Variants in CLIC4 observed in about 807,000 individuals in gnomAD.
CLIC4 encodes the protein chloride intracellular channel protein 4.
In CLIC4, 13 loss-of-function variants were observed where a neutral mutation model predicts 24.6. The observed-to-expected ratio is 0.53, with a 90% CI of 0.34 to 0.84. The LOEUF is 0.84. Ranked by LOEUF, CLIC4 falls within the 40% of genes least tolerant of loss-of-function variation. CLIC4 has a pLI of 0.01. For missense variants in CLIC4, 227 were observed against 301.7 expected, an observed-to-expected ratio of 0.75 and a Z score of 1.83; for synonymous variants, 104 against 111.3, an observed-to-expected ratio of 0.93 and a Z score of 0.41.
intron 2 of CLIC4, among the ~76,000 whole-genome samples, chr1:24,804,539 ATGTGGGTGGGTGGGGGGATG>A (rs1639526538): frequency 8.0e-5 from 1 of 12,522 alleles, no homozygotes; most frequent in African/African-American, 3.8e-4. Context: ...GGATGTGTGT[ATGTGGGTGGGTGGGGGGATG>A]TGTGTACGTG....
chr1:24,813,456 TCA>T (rs1639637418), intron 2 of CLIC4, among the ~76,000 whole-genome samples: 2 of 152,286 alleles, frequency 1.3e-5, no homozygotes, highest in African/African-American at 2.4e-5. Flanking sequence ...TTTTACTCTG[TCA>T]CCTAGGCTGG....
At chr1:24,746,594 A>T (rs1638701123) in intron 1 of CLIC4, among the ~76,000 whole-genome samples, 1 of 152,232 alleles carries the variant, frequency 6.6e-6, no homozygotes, top group Non-Finnish European at 1.5e-5. Flanking sequence ...GCCACTTAAA[A>T]AGCCAGGCTC....
intron 1 of CLIC4, among the ~76,000 whole-genome samples, chr1:24,792,059 A>G (rs1338417826): frequency 6.6e-6 from 1 of 151,282 alleles, no homozygotes; most frequent in African/African-American, 2.4e-5. Flanking sequence ...ATTAAAAAAA[A>G]AAAAAAAAAA....
chr1:24,840,115 C>A, intron 5 of CLIC4, 74 bp downstream of exon 5: 1 of 1,380,218 alleles, frequency 7.2e-7, no homozygotes, highest in Non-Finnish European at 1.0e-6. Context: ...TTCCTTTGTG[C>A]TCAAAACATT....
intron 4 of CLIC4, among the ~76,000 whole-genome samples, chr1:24,827,810 G>A (rs548540581): frequency 6.6e-6 from 1 of 151,196 alleles, no homozygotes; most frequent in South Asian, 2.1e-4. Flanking sequence ...GTGTAGGGAG[G>A]TCTCTTTGGA....
intron 1 of CLIC4, among the ~76,000 whole-genome samples, chr1:24,793,883 T>G (rs1473056254): frequency 6.6e-6 from 1 of 152,208 alleles, no homozygotes; most frequent in African/African-American, 2.4e-5. Context: ...ACTGAAATGC[T>G]TCTGAATTTT....
At chr1:24,766,021 T>C (rs1330714142) in intron 1 of CLIC4, among the ~76,000 whole-genome samples, 1 of 152,072 alleles carries the variant, frequency 6.6e-6, no homozygotes, top group Non-Finnish European at 1.5e-5. Context: ...TTTTTTTCTT[T>C]TGAGATGGAG....
intron 1 of CLIC4, among the ~76,000 whole-genome samples, chr1:24,775,877 T>C (rs1019017418): frequency 1.3e-5 from 2 of 151,796 alleles, no homozygotes; most frequent in South Asian, 2.1e-4. Context: ...TTTCTTCTTA[T>C]AGGGAGTAAT....
intron 4 of CLIC4, among the ~76,000 whole-genome samples, chr1:24,837,285 G>GA (rs1438109150): frequency 1.3e-5 from 2 of 152,124 alleles, no homozygotes; most frequent in Non-Finnish European, 2.9e-5. Context: ...AGGATATTAT[G>GA]AAAAAATTTA....
intron 1 of CLIC4, among the ~76,000 whole-genome samples, chr1:24,785,082 CTTTTT>C (rs71577732): frequency 7.3e-6 from 1 of 137,506 alleles, no homozygotes; most frequent in African/African-American, 2.7e-5. Flanking sequence ...TTATGTAGAC[CTTTTT>C]TTTTTTTTTT....
intron 3 of CLIC4, among the ~76,000 whole-genome samples, chr1:24,823,524 C>T (rs1210965037): frequency 6.6e-6 from 1 of 152,116 alleles, no homozygotes; most frequent in Non-Finnish European, 1.5e-5. Context: ...CCTGTAATCC[C>T]AGCACTTTGG....
chr1:24,823,243 G>A (rs969707813), intron 3 of CLIC4, among the ~76,000 whole-genome samples: 2 of 152,170 alleles, frequency 1.3e-5, no homozygotes, highest in Non-Finnish European at 2.9e-5. Flanking sequence ...ACTGGTATGT[G>A]TGGCTATAGG....
chr1:24,809,981 G>T (rs961739316), intron 2 of CLIC4, among the ~76,000 whole-genome samples: 1 of 152,208 alleles, frequency 6.6e-6, no homozygotes, highest in Non-Finnish European at 1.5e-5. Context: ...CATAAGAATA[G>T]AATAAACTTC....
At chr1:24,747,808 G>A (rs1638721325) in intron 1 of CLIC4, among the ~76,000 whole-genome samples, 1 of 151,988 alleles carries the variant, frequency 6.6e-6, no homozygotes, top group Admixed American at 6.6e-5. Flanking sequence ...GCCGAGATGG[G>A]GAGATCACTT....
At chr1:24,824,240 T>G (rs1332706430) in intron 3 of CLIC4, among the ~76,000 whole-genome samples, 2 of 152,146 alleles carry the variant, frequency 1.3e-5, no homozygotes, top group Non-Finnish European at 2.9e-5. Context: ...ACACTAGACC[T>G]GGGGACAGGA....
At chr1:24,769,029 C>T (rs1248299675) in intron 1 of CLIC4, among the ~76,000 whole-genome samples, 1 of 151,838 alleles carries the variant, frequency 6.6e-6, no homozygotes, top group Non-Finnish European at 1.5e-5. Context: ...CCTGTGGTCT[C>T]AGCTACTAGT....
intron 1 of CLIC4, among the ~76,000 whole-genome samples, chr1:24,753,884 G>A (rs534869139): frequency 9.9e-5 from 15 of 152,050 alleles, no homozygotes; most frequent in African/African-American, 3.4e-4. Flanking sequence ...ACTTCCCCCC[G>A]TCTTTGTTTT....
chr1:24,810,547 A>G (rs1395574518), intron 2 of CLIC4, among the ~76,000 whole-genome samples: 2 of 152,276 alleles, frequency 1.3e-5, no homozygotes, highest in East Asian at 1.9e-4. Context: ...CTATTTTACT[A>G]TATTAGAAAT....
chr1:24,826,512 G>A (rs539007657), intron 3 of CLIC4, among the ~76,000 whole-genome samples: 3 of 152,304 alleles, frequency 2.0e-5, no homozygotes, highest in East Asian at 3.9e-4. Context: ...TGACTACTGA[G>A]CACTTGAAAT....
Sources: allele counts gnomAD v4.1 joint callset (sites outside exome capture counted in the v4.1 genomes callset), GRCh38; gene constraint gnomAD v4.1.1; transcripts MANE v1.5; gene names NCBI Gene and HGNC (gene_info 2026-07-23, HGNC 2026-07-21).